Variants in GABBR2 observed in about 807,000 individuals in gnomAD.
The protein encoded by GABBR2 is gamma-aminobutyric acid type B receptor subunit 2, also known as G-protein coupled receptor 51.
GABBR2 carries 23 observed loss-of-function variants against 105.6 expected under a neutral mutation model. That is an observed-to-expected ratio of 0.22 (90% CI 0.16 to 0.31). The LOEUF is 0.31. Ranked by LOEUF, GABBR2 falls within the 10% of genes least tolerant of loss-of-function variation. The probability of loss-of-function intolerance (pLI) is 1.00; values close to 1 mark genes in which losing one functional copy is unlikely to be tolerated. For synonymous variants in GABBR2, 478 were observed against 499.7 expected (o/e 0.96, Z 0.58); for missense variants, 734 against 1,245.5 (o/e 0.59, Z 6.18).
intron 7 of GABBR2, among the ~76,000 whole-genome samples, chr9:98,416,351 G>T (rs1009412378): frequency 6.6e-6 from 1 of 152,184 alleles, no homozygotes; most frequent in Non-Finnish European, 1.5e-5. Context: ...AATCAGCATG[G>T]GACTAGCTGG....
intron 10 of GABBR2, among the ~76,000 whole-genome samples, chr9:98,386,758 C>A (rs1832079777): frequency 6.6e-6 from 1 of 152,206 alleles, no homozygotes. Context: ...CCTTTGCATT[C>A]TCCAGTTCTG....
intron 1 of GABBR2, among the ~76,000 whole-genome samples, chr9:98,580,751 C>A (rs1375044060): frequency 2.0e-5 from 3 of 152,156 alleles, no homozygotes; most frequent in Non-Finnish European, 2.9e-5. Flanking sequence ...TCGCGCCCTG[C>A]ACTCCAGCTT....
At chr9:98,392,423 G>T (rs1444057923) in intron 9 of GABBR2, among the ~76,000 whole-genome samples, 1 of 152,236 alleles carries the variant, frequency 6.6e-6, no homozygotes, top group Non-Finnish European at 1.5e-5. Flanking sequence ...AACAGGCTGT[G>T]TGAATCTGGG....
Position 98,388,782 on chromosome 9 carries a change from C to A in GABBR2, c.1529+72G>T. On this transcript the variant is annotated intron_variant, in intron 10 of 18. Transcript: ENST00000259455. This position sits in a 1 kb window ranked among gnomAD's most constrained non-coding sequence, Gnocchi z 4.4. ...TGTCCCTGGGGAATCTGTCATGTGGCACTCCTATACTGTGTCCATAGGCTT... is the reference window on the plus strand; with the variant it reads ...TGTCCCTGGGGAATCTGTCATGTGGAACTCCTATACTGTGTCCATAGGCTT... The A allele has an allele frequency of 1.7e-6, 2 of 1,200,126 alleles. No homozygotes were observed. Among genetic ancestry groups the A allele is most frequent in the Non-Finnish European group, 2.3e-6 (2 of 852,846 alleles). 74.3% of individuals were successfully genotyped at this position (1,200,126 alleles called of 1,614,324 possible). A position where few individuals can be genotyped will look rare whatever the true frequency, so the allele number is the denominator to read the frequency against.
At chr9:98,599,009 C>A (rs989162002) in intron 1 of GABBR2, among the ~76,000 whole-genome samples, 1 of 152,204 alleles carries the variant, frequency 6.6e-6, no homozygotes, top group Non-Finnish European at 1.5e-5. Flanking sequence ...AAGAACCATG[C>A]CTGTGCCATC....
intron 3 of GABBR2, among the ~76,000 whole-genome samples, chr9:98,518,306 C>T (rs550959874): frequency 2.0e-5 from 3 of 152,190 alleles, no homozygotes; most frequent in Non-Finnish European, 2.9e-5. Flanking sequence ...CTTGCCAGGA[C>T]GCTAATACTG....
chr9:98,524,506 C>T (rs1827923547), intron 3 of GABBR2, among the ~76,000 whole-genome samples: 1 of 152,246 alleles, frequency 6.6e-6, no homozygotes, highest in Non-Finnish European at 1.5e-5. Context: ...ACCTCTCCAT[C>T]TGGATATTCA....
chr9:98,409,139 G>T (rs1016736270), intron 7 of GABBR2, among the ~76,000 whole-genome samples: 2 of 152,230 alleles, frequency 1.3e-5, no homozygotes, highest in Admixed American at 6.5e-5. Flanking sequence ...ACACAGTGAG[G>T]GAGGCAGGGT....
intron 1 of GABBR2, among the ~76,000 whole-genome samples, chr9:98,684,745 T>C (rs2131873228): frequency 6.6e-6 from 1 of 152,286 alleles, no homozygotes; most frequent in South Asian, 2.1e-4. Flanking sequence ...GAAAGCAACA[T>C]CTATGGTAGA....
intron 1 of GABBR2, among the ~76,000 whole-genome samples, chr9:98,638,956 T>G (rs1287864107): frequency 6.6e-6 from 1 of 152,228 alleles, no homozygotes; most frequent in Non-Finnish European, 1.5e-5. Flanking sequence ...TAATTTTGAG[T>G]TGGTCTGGTG....
intron 1 of GABBR2, among the ~76,000 whole-genome samples, chr9:98,690,465 C>T (rs927742448): frequency 4.6e-5 from 7 of 152,164 alleles, no homozygotes; most frequent in Non-Finnish European, 7.3e-5. Context: ...TGTGAGAAAA[C>T]CACTGTATTG....
chr9:98,400,315 G>C, intron 8 of GABBR2, among the ~76,000 whole-genome samples: 1 of 152,052 alleles, frequency 6.6e-6, no homozygotes, highest in Middle Eastern at 3.4e-3. Context: ...GAAACGATAC[G>C]TAAAGTCACA....
At chr9:98,345,695 T>A (rs1831291829) in intron 13 of GABBR2, among the ~76,000 whole-genome samples, 1 of 152,216 alleles carries the variant, frequency 6.6e-6, no homozygotes, top group Non-Finnish European at 1.5e-5. Context: ...ATCGTCTATA[T>A]AGAAAGTCCC....
chr9:98,419,602 C>G (rs901113954), intron 7 of GABBR2, among the ~76,000 whole-genome samples: 3 of 152,144 alleles, frequency 2.0e-5, no homozygotes, highest in Non-Finnish European at 2.9e-5. Context: ...GGAGACCACC[C>G]AAGGGTGGCT....
intron 1 of GABBR2, among the ~76,000 whole-genome samples, chr9:98,666,570 C>T (rs4743259): frequency 0.93 from 141,377 of 152,284 alleles, 65,754 homozygotes; most frequent in Middle Eastern, 0.97. Context: ...TTTTCATAGA[C>T]GGGGTCTTGC....
At chr9:98,467,929 A>T (rs553717645) in intron 6 of GABBR2, among the ~76,000 whole-genome samples, 4 of 152,362 alleles carry the variant, frequency 2.6e-5, no homozygotes, top group African/African-American at 9.6e-5. Flanking sequence ...ATGCTCACAA[A>T]GGAAACAAAA....
intron 1 of GABBR2, among the ~76,000 whole-genome samples, chr9:98,672,714 C>T (rs1264180122): frequency 6.6e-6 from 1 of 152,216 alleles, no homozygotes; most frequent in African/African-American, 2.4e-5. Flanking sequence ...TTTGCTGTTT[C>T]ACTTTTCTTT....
At chr9:98,399,898 G>A (rs960411307) in intron 8 of GABBR2, among the ~76,000 whole-genome samples, 2 of 152,026 alleles carry the variant, frequency 1.3e-5, no homozygotes, top group Non-Finnish European at 1.5e-5. Flanking sequence ...AAAGGGCTGG[G>A]TGCGGTGGCT....
At chr9:98,514,159 A>C (rs1253321598) in intron 3 of GABBR2, among the ~76,000 whole-genome samples, 2 of 133,376 alleles carry the variant, frequency 1.5e-5, no homozygotes, top group African/African-American at 2.6e-5. Context: ...CAAGAACAAA[A>C]AACCAAACAC....
Sources: gnomAD v4.1 joint callset for allele counts (sites outside exome capture counted in the v4.1 genomes callset) on GRCh38, gnomAD v4.1.1 for gene constraint, Gnocchi (gnomAD v3.1) non-coding constraint, MANE v1.5 for transcripts, NCBI Gene and HGNC (gene_info 2026-07-23, HGNC 2026-07-21) for gene names.